Variants in MTHFD2L observed in about 807,000 individuals in gnomAD.
The protein encoded by MTHFD2L is bifunctional methylenetetrahydrofolate dehydrogenase/cyclohydrolase 2, mitochondrial.
In MTHFD2L, 29 loss-of-function variants were observed where a neutral mutation model predicts 34.9. The ratio of observed to expected loss-of-function variants is 0.83; its 90% confidence interval spans 0.62 to 1.13. The LOEUF (loss-of-function observed/expected upper bound fraction) is 1.13, where lower values mean the gene tolerates loss of function less well. Among genes scored for constraint, MTHFD2L ranks in the 50% most tolerant of loss-of-function variants. The pLI, the probability that MTHFD2L is intolerant of heterozygous loss-of-function variation, is 0.00. For synonymous variants in MTHFD2L, 167 were observed against 155.7 expected, an observed-to-expected ratio of 1.07 and a Z score of -0.54; for missense variants, 481 against 446.5, an observed-to-expected ratio of 1.08 and a Z score of -0.70.
At chr4:74,117,520 C>G (rs957185593) in intron 2 of MTHFD2L, among the ~76,000 whole-genome samples, 1 of 152,088 alleles carries the variant, frequency 6.6e-6, no homozygotes, top group African/African-American at 2.4e-5. Flanking sequence ...TTTCAGGAAG[C>G]GTTCAAGTAG....
chr4:74,278,480 A>AAAC (rs1290956009), intron 6 of MTHFD2L, among the ~76,000 whole-genome samples: 1 of 152,136 alleles, frequency 6.6e-6, no homozygotes, highest in Non-Finnish European at 1.5e-5. Context: ...AAAACAAAAC[A>AAAC]AACAACTACC....
At chr4:74,267,938 A>G (rs1019277667) in intron 6 of MTHFD2L, 9 of 985,160 alleles carry the variant, frequency 9.1e-6, no homozygotes, top group Non-Finnish European at 1.1e-5. Flanking sequence ...TAAGGAACCT[A>G]GCACCATCCT....
At chr4:74,142,855 A>C (rs1251449802) in intron 1 of MTHFD2L, among the ~76,000 whole-genome samples, 1 of 152,346 alleles carries the variant, frequency 6.6e-6, no homozygotes, top group Non-Finnish European at 1.5e-5. Context: ...CCTGAATCTT[A>C]GTAAAGATTC....
At chr4:74,182,690 T>A (rs1203123101) in intron 3 of MTHFD2L, 2 of 152,196 alleles carry the variant, frequency 1.3e-5, no homozygotes, top group African/African-American at 2.4e-5. Flanking sequence ...AATATCCACA[T>A]GTCCTCTTAT....
At chr4:74,165,267 G>C (rs1464710965) in intron 1 of MTHFD2L, among the ~76,000 whole-genome samples, 2 of 151,940 alleles carry the variant, frequency 1.3e-5, no homozygotes. Flanking sequence ...ATTATTCCTG[G>C]TGCATATTCA....
chr4:74,289,100 CAA>C (rs1403412270), intron 7 of MTHFD2L, among the ~76,000 whole-genome samples: 2 of 152,106 alleles, frequency 1.3e-5, no homozygotes, highest in Non-Finnish European at 2.9e-5. Flanking sequence ...CCTAAAAAGA[CAA>C]AGTACTTACT....
chr4:74,274,338 G>A (rs977924379), intron 6 of MTHFD2L, among the ~76,000 whole-genome samples: 1 of 152,090 alleles, frequency 6.6e-6, no homozygotes, highest in Non-Finnish European at 1.5e-5. Context: ...CTTAAAAAGG[G>A]CTTCTTATTC....
At chr4:74,275,779 A>C (rs2110259594) in intron 6 of MTHFD2L, among the ~76,000 whole-genome samples, 1 of 151,572 alleles carries the variant, frequency 6.6e-6, no homozygotes, top group South Asian at 2.1e-4. Context: ...TCCTTTGCCC[A>C]CTTTTTGATG....
At chr4:74,291,528 A>G (rs1365291951) in intron 7 of MTHFD2L, among the ~76,000 whole-genome samples, 1 of 152,218 alleles carries the variant, frequency 6.6e-6, no homozygotes, top group African/African-American at 2.4e-5. Context: ...CATTAATGAT[A>G]CATCCATTGA....
chr4:74,178,580 A>G (rs1265796098), intron 3 of MTHFD2L, among the ~76,000 whole-genome samples: 1 of 151,954 alleles, frequency 6.6e-6, no homozygotes, highest in Non-Finnish European at 1.5e-5. Context: ...TCTCAAACAG[A>G]GAGTGTGAGA....
At position 74,178,306 on chromosome 4, in the gene MTHFD2L, T is replaced by C. The variant is rs540654658; in HGVS notation, c.451+2903T>C. Among the ~76,000 whole-genome samples the C allele has an allele frequency of 3.9e-5, 6 of 152,190 alleles. No homozygotes were observed. In the South Asian group the frequency reaches 1.2e-3, roughly 32 times the overall value. ...CATAATGTATACATATGTCAAAACA[T>C]TGTACACCACACATATCTACAAATT... On this transcript the variant is annotated intron_variant, in intron 3 of 7. Coordinates refer to ENST00000325278, the MANE Select transcript of MTHFD2L (RefSeq NM_001144978.3).
At chr4:74,265,994 T>C (rs1229816675) in intron 6 of MTHFD2L, among the ~76,000 whole-genome samples, 2 of 152,190 alleles carry the variant, frequency 1.3e-5, no homozygotes, top group Non-Finnish European at 2.9e-5. Context: ...ATTATTTATG[T>C]GTTAGATTCT....
At chr4:74,137,835 T>C (rs1394127442) in intron 1 of MTHFD2L, among the ~76,000 whole-genome samples, 2 of 152,076 alleles carry the variant, frequency 1.3e-5, no homozygotes, top group African/African-American at 4.8e-5. Context: ...ATCACTATGT[T>C]AAGAGAAATA....
chr4:74,122,457 T>G (rs528244276), upstream of MTHFD2L, among the ~76,000 whole-genome samples: 5 of 152,294 alleles, frequency 3.3e-5, 1 homozygote, highest in South Asian at 1.0e-3. Flanking sequence ...TCCATCCCCA[T>G]GACTTAATCA....
At chr4:74,251,620 A>G (rs768050914) in intron 6 of MTHFD2L, among the ~76,000 whole-genome samples, 9 of 152,104 alleles carry the variant, frequency 5.9e-5, no homozygotes, top group Non-Finnish European at 1.0e-4. Context: ...CCTCACTTCC[A>G]CAAATATGCC....
At chr4:74,262,882 A>C (rs1744848359) in intron 6 of MTHFD2L, among the ~76,000 whole-genome samples, 1 of 151,978 alleles carries the variant, frequency 6.6e-6, no homozygotes, top group South Asian at 2.1e-4. Context: ...CACATATCTA[A>C]AAATACCTGA....
intron 3 of MTHFD2L, chr4:74,180,721 C>T (rs17826612): frequency 0.013 from 6,078 of 453,986 alleles, 77 homozygotes; most frequent in Middle Eastern, 0.029. Flanking sequence ...TTGAAATGCT[C>T]GGGATATAAG....
intron 6 of MTHFD2L, among the ~76,000 whole-genome samples, chr4:74,268,665 A>T (rs16850815): frequency 0.011 from 1,642 of 152,308 alleles, 11 homozygotes; most frequent in Middle Eastern, 0.017. Context: ...TTTCATGAAG[A>T]GTTACAGATG....
At chr4:74,189,126 C>T (rs1731976142) in intron 3 of MTHFD2L, among the ~76,000 whole-genome samples, 1 of 151,940 alleles carries the variant, frequency 6.6e-6, no homozygotes, top group Non-Finnish European at 1.5e-5. Flanking sequence ...AGTAGATTTG[C>T]ATATGCCTAA....
Sources: allele counts gnomAD v4.1 joint callset (sites outside exome capture counted in the v4.1 genomes callset), GRCh38; gene constraint gnomAD v4.1.1; transcripts MANE v1.5; gene names NCBI Gene and HGNC (gene_info 2026-07-23, HGNC 2026-07-21).